C8orf34: variants seen among roughly 807,000 people sequenced by gnomAD.
The protein encoded by C8orf34 is uncharacterized protein C8orf34.
In C8orf34, 65 loss-of-function variants were observed where a neutral mutation model predicts 68.3. That is an observed-to-expected ratio of 0.95 (90% CI 0.78 to 1.17). C8orf34 has a LOEUF of 1.17. C8orf34 is among the 50% of genes most tolerant of loss of function. C8orf34 has a pLI of 0.00. For synonymous variants in C8orf34, 244 were observed against 241.2 expected (o/e 1.01, Z -0.11); for missense variants, 664 against 655.4 (o/e 1.01, Z -0.14).
chr8:68,440,929 C>T (rs141938452), intron 2 of C8orf34, among the ~76,000 whole-genome samples: 1,561 of 152,036 alleles, frequency 0.01, 40 homozygotes, highest in African/African-American at 0.035. Context: ...TTCAGCCTCC[C>T]GAGTAGCTGG....
chr8:68,442,392 C>A (rs992704665), intron 2 of C8orf34, among the ~76,000 whole-genome samples: 1 of 152,006 alleles, frequency 6.6e-6, no homozygotes, highest in Non-Finnish European at 1.5e-5. Context: ...TCTAGCAGTT[C>A]CCAGAAGTTC....
intron 6 of C8orf34, among the ~76,000 whole-genome samples, chr8:68,525,224 C>A (rs927937770): frequency 6.6e-6 from 1 of 151,984 alleles, no homozygotes; most frequent in African/African-American, 2.4e-5. Flanking sequence ...AGTGAATATA[C>A]AAATATATGC....
At chr8:68,796,343 C>T (rs1343880402) in intron 12 of C8orf34, among the ~76,000 whole-genome samples, 1 of 152,030 alleles carries the variant, frequency 6.6e-6, no homozygotes, top group Non-Finnish European at 1.5e-5. Flanking sequence ...ATTCCTATAC[C>T]ACCTTTCTGC....
At position 68,628,050 on chromosome 8, in the gene C8orf34, A is replaced by T. The variant is rs186013273; in HGVS notation, c.1106-12326A>T. On this transcript the variant is annotated intron_variant, in intron 7 of 13. Coordinates refer to ENST00000518698, the MANE Select transcript of C8orf34 (RefSeq NM_052958.4). The stretch of plus-strand genomic sequence containing the variant: ...ATCACTTTCTTTCTTTATTGATCTC[A>T]TGTGGTCAAGAAGAGTAAATATTCT... Among the ~76,000 whole-genome samples, 326 of 152,210 alleles carry T rather than the reference A, an allele frequency of 2.1e-3. 1 individual carries two copies. The highest frequency in any genetic ancestry group is 7.7e-3 in the African/African-American group (319 of 41,552).
chr8:68,584,982 T>G (rs1322522103), intron 7 of C8orf34, among the ~76,000 whole-genome samples: 1 of 152,128 alleles, frequency 6.6e-6, no homozygotes, highest in Admixed American at 6.6e-5. Context: ...GTACTAGAAT[T>G]CCTGGACTCT....
chr8:68,646,511 C>G (rs1214845278), intron 8 of C8orf34, among the ~76,000 whole-genome samples: 1 of 151,896 alleles, frequency 6.6e-6, no homozygotes, highest in South Asian at 2.1e-4. Context: ...ATATACAATG[C>G]ATTATTATTT....
At chr8:68,386,629 G>T (rs1314304066) in intron 1 of C8orf34, among the ~76,000 whole-genome samples, 1 of 152,102 alleles carries the variant, frequency 6.6e-6, no homozygotes, top group East Asian at 1.9e-4. Context: ...TGCTAGTTCT[G>T]CTTAGATCTG....
At chr8:68,794,814 C>G (rs1283421018) in intron 12 of C8orf34, among the ~76,000 whole-genome samples, 1 of 151,954 alleles carries the variant, frequency 6.6e-6, no homozygotes, top group African/African-American at 2.4e-5. Flanking sequence ...ATTATACATA[C>G]CAGTTGAGGA....
chr8:68,369,338 A>G (rs1451663232), intron 1 of C8orf34, among the ~76,000 whole-genome samples: 1 of 152,322 alleles, frequency 6.6e-6, no homozygotes, highest in East Asian at 1.9e-4. Flanking sequence ...GAGCCTTTCT[A>G]CATGCCATTT....
intron 1 of C8orf34, among the ~76,000 whole-genome samples, chr8:68,379,463 G>A (rs991131042): frequency 6.6e-6 from 1 of 152,122 alleles, no homozygotes; most frequent in African/African-American, 2.4e-5. Context: ...TTCATGCCCC[G>A]CTCCACAGCA....
chr8:68,717,959 C>T (rs961755724), intron 9 of C8orf34, among the ~76,000 whole-genome samples: 1 of 152,140 alleles, frequency 6.6e-6, no homozygotes, highest in Non-Finnish European at 1.5e-5. Context: ...GCTGGCCATT[C>T]GTTGACACTC....
At chr8:68,386,414 T>C (rs1808262259) in intron 1 of C8orf34, among the ~76,000 whole-genome samples, 1 of 152,192 alleles carries the variant, frequency 6.6e-6, no homozygotes, top group South Asian at 2.1e-4. Flanking sequence ...TTAAGGGGAA[T>C]AGCACATATA....
Position 68,458,628 on chromosome 8 carries a change from C to T in C8orf34, c.608-10064C>T, listed in dbSNP as rs1811650978. Among the ~76,000 whole-genome samples the T allele has an allele frequency of 2.0e-5, 3 of 152,152 alleles. No individual in the cohort carries two copies. The South Asian group carries it at 6.2e-4, about 31-fold the overall frequency. ...TGCCAAAGTTTTGAAGAATCTGATA[C>T]AAATATTGTTTTTTCCACTCCCTCA... On this transcript the variant is annotated intron_variant, in intron 3 of 13. Transcript: ENST00000518698.
Position 68,532,900 on chromosome 8 carries a change from G to T in C8orf34, c.939-83G>T, listed in dbSNP as rs1002300095. The T allele has an allele frequency of 7.2e-6, 7 of 973,814 alleles. No individual in the cohort carries two copies. The Admixed American group carries it at 7.6e-5, about 11-fold the overall frequency. 60.3% of individuals were successfully genotyped at this position (973,814 alleles called of 1,614,324 possible). On this transcript the variant is annotated intron_variant, in intron 6 of 13. Transcript: ENST00000518698. ...ACTTTAGTAACATGTCCACATACGT[G>T]TGTAATAAAATAACCAAATGGAAAT...
At chr8:68,801,458 A>AT (rs1456088514) in intron 12 of C8orf34, among the ~76,000 whole-genome samples, 1 of 152,100 alleles carries the variant, frequency 6.6e-6, no homozygotes, top group Non-Finnish European at 1.5e-5. Flanking sequence ...TTTACCTTCC[A>AT]TTCCTACCTT....
At chr8:68,528,960 G>C (rs1366207556) in intron 6 of C8orf34, among the ~76,000 whole-genome samples, 1 of 152,148 alleles carries the variant, frequency 6.6e-6, no homozygotes, top group Non-Finnish European at 1.5e-5. Context: ...GCTCCGCCTA[G>C]GGCAAGCTCC....
At chr8:68,417,804 A>C (rs924221466) in intron 1 of C8orf34, among the ~76,000 whole-genome samples, 1 of 152,068 alleles carries the variant, frequency 6.6e-6, no homozygotes, top group African/African-American at 2.4e-5. Flanking sequence ...TATGAACATT[A>C]AAGTAGTTTT....
rs562103630 is a variant in C8orf34 at position 68,438,806 on chromosome 8, G to A, written c.328-693G>A. ...AAAAAAATATGTAGATATTACCCTT[G>A]GGCAGATTTCAGCCCAACTTAAAGT... is the stretch of plus-strand genomic sequence containing the variant. On this transcript the variant is annotated intron_variant, in intron 1 of 13. Transcript: ENST00000518698. 3.3e-5 allele frequency: 5 copies of A among 152,124 alleles called. No homozygotes were observed. In the South Asian group the frequency reaches 1.0e-3, roughly 32 times the overall value. 9.4% of individuals were successfully genotyped at this position (152,124 alleles called of 1,614,324 possible).
At chr8:68,722,181 C>T (rs1009328988) in intron 10 of C8orf34, among the ~76,000 whole-genome samples, 8 of 151,978 alleles carry the variant, frequency 5.3e-5, no homozygotes, top group African/African-American at 1.9e-4. Flanking sequence ...TCCCTTTTTA[C>T]CTTGCAGATA....
Sources: gnomAD v4.1 joint callset for allele counts (sites outside exome capture counted in the v4.1 genomes callset) on GRCh38, gnomAD v4.1.1 for gene constraint, MANE v1.5 for transcripts, NCBI Gene and HGNC (gene_info 2026-07-23, HGNC 2026-07-21) for gene names.